SNAPC1: variants seen among roughly 807,000 people sequenced by gnomAD.
SNAPC1 encodes the protein small nuclear RNA activating complex polypeptide 1, also known as snRNA-activating protein complex subunit 1.
Under a neutral mutation model 50.1 loss-of-function variants are expected in SNAPC1, and 42 were observed. The ratio of observed to expected loss-of-function variants is 0.84; its 90% CI spans 0.65 to 1.08. The LOEUF is 1.08. Ranked by LOEUF, SNAPC1 falls within the 50% of genes least tolerant of loss-of-function variation. The pLI is 0.00. For synonymous variants in SNAPC1, 164 were observed against 144.2 expected (o/e 1.14, Z -0.98); for missense variants, 477 against 427.3 (o/e 1.12, Z -1.02).
At chr14:61,768,239 T>C (rs1051811337) in intron 3 of SNAPC1, among the ~76,000 whole-genome samples, 2 of 152,276 alleles carry the variant, frequency 1.3e-5, no homozygotes, top group East Asian at 1.9e-4. Context: ...CATTTGCTCA[T>C]GTCTCAAACA....
chr14:61,776,004 C>A, intron 4 of SNAPC1, 91 bp from the exon 5 acceptor site: 1 of 934,996 alleles, frequency 1.1e-6, no homozygotes, highest in Non-Finnish European at 1.6e-6. Context: ...AACTGGAAGT[C>A]ACTTTGGAAG....
intron 8 of SNAPC1, among the ~76,000 whole-genome samples, chr14:61,788,024 T>C (rs1229676211): frequency 6.6e-6 from 1 of 151,980 alleles, no homozygotes; most frequent in Non-Finnish European, 1.5e-5. Flanking sequence ...GAAATTAACT[T>C]TCATCTTGAA....
At chr14:61,772,681 T>C (rs973852218) in intron 4 of SNAPC1, among the ~76,000 whole-genome samples, 1 of 152,228 alleles carries the variant, frequency 6.6e-6, no homozygotes, top group African/African-American at 2.4e-5. Flanking sequence ...TGAGCCACCA[T>C]GGTTGTCCGG....
intron 7 of SNAPC1, among the ~76,000 whole-genome samples, chr14:61,780,587 T>C (rs2045064610): frequency 6.6e-6 from 1 of 152,218 alleles, no homozygotes. Context: ...ATATTAGACC[T>C]TTATCGAATG....
At chr14:61,784,581 C>T (rs554674126) in intron 8 of SNAPC1, among the ~76,000 whole-genome samples, 4 of 152,176 alleles carry the variant, frequency 2.6e-5, no homozygotes, top group Admixed American at 6.5e-5. Context: ...GCTCTACCAT[C>T]GTAATGTGAA....
chr14:61,765,688 T>A (rs2044942142), intron 1 of SNAPC1, among the ~76,000 whole-genome samples: 1 of 152,214 alleles, frequency 6.6e-6, no homozygotes, highest in African/African-American at 2.4e-5. Flanking sequence ...AGTTTCCAGC[T>A]TGAGTTTTCC....
chr14:61,769,674 G>T (rs1032296993), intron 4 of SNAPC1, among the ~76,000 whole-genome samples: 1 of 152,142 alleles, frequency 6.6e-6, no homozygotes, highest in African/African-American at 2.4e-5. Context: ...TGGGATTACA[G>T]GCGTGAGCCA....
At chr14:61,791,958 T>C (rs924447508) in intron 8 of SNAPC1, among the ~76,000 whole-genome samples, 4 of 152,052 alleles carry the variant, frequency 2.6e-5, no homozygotes, top group Non-Finnish European at 4.4e-5. Context: ...GTTACACTTA[T>C]TGTAGTGAAC....
chr14:61,771,579 AT>A, intron 4 of SNAPC1, among the ~76,000 whole-genome samples: 1 of 152,166 alleles, frequency 6.6e-6, no homozygotes. Flanking sequence ...AGGAATTTGT[AT>A]TTTGTCTTTT....
chr14:61,794,650 C>T (rs1387432590), intron 9 of SNAPC1, among the ~76,000 whole-genome samples: 6 of 152,152 alleles, frequency 3.9e-5, no homozygotes, highest in South Asian at 2.1e-4. Context: ...CCTCATGATT[C>T]GCCCACCTTA....
intron 8 of SNAPC1, among the ~76,000 whole-genome samples, chr14:61,792,213 A>G (rs915976008): frequency 3.3e-5 from 5 of 152,230 alleles, no homozygotes; most frequent in Non-Finnish European, 5.9e-5. Flanking sequence ...CTTTTGGGAC[A>G]TGGAAATTGT....
intron 7 of SNAPC1, among the ~76,000 whole-genome samples, chr14:61,781,365 C>T (rs1566591243): frequency 6.8e-6 from 1 of 147,464 alleles, no homozygotes; most frequent in Non-Finnish European, 1.5e-5. Flanking sequence ...AGGAGAATGG[C>T]GTGAACCCCG....
At chr14:61,762,740 C>G in intron 1 of SNAPC1, 152 bp downstream of exon 1, 1 of 828,236 alleles carries the variant, frequency 1.2e-6, no homozygotes, top group South Asian at 1.7e-5. Context: ...CCCCTGTGCT[C>G]AGGCAACGCG....
At chr14:61,774,705 G>T (rs1008187049) in intron 4 of SNAPC1, among the ~76,000 whole-genome samples, 13 of 125,572 alleles carry the variant, frequency 1.0e-4, no homozygotes, top group African/African-American at 3.7e-4. Context: ...CTCTTGTTGC[G>T]CAGGCTGGAG....
chr14:61,772,312 A>G (rs540631802), intron 4 of SNAPC1, among the ~76,000 whole-genome samples: 53 of 151,730 alleles, frequency 3.5e-4, no homozygotes, highest in African/African-American at 1.3e-3. Context: ...CAGTGGTATG[A>G]TCTTGGCTCA....
chr14:61,782,393 CA>C lies in SNAPC1; in HGVS notation c.975del (p.Gly326AlafsTer13), dbSNP rs766983413. The stretch of plus-strand genomic sequence containing the variant: ...CAGGAAGGAAGATGTCTCTCAGAAA[CA>C]AAGGTAACTTTTTAAAGTCTTACTA... ...PAGRKMSLRN[K>X]GNVQNIHKED... On this transcript the variant is annotated frameshift_variant, in exon 8 of 10. Coordinates refer to ENST00000216294, the MANE Select transcript of SNAPC1 (RefSeq NM_003082.4). LOFTEE classifies it high-confidence loss of function. 6.2e-7 allele frequency: 1 copy of C among 1,605,054 alleles called. No homozygotes were observed. The highest frequency in any genetic ancestry group is 1.7e-5 in the Admixed American group (1 of 57,496).
chr14:61,772,250 G>A (rs1036192530), intron 4 of SNAPC1, among the ~76,000 whole-genome samples: 32 of 151,984 alleles, frequency 2.1e-4, no homozygotes, highest in African/African-American at 6.0e-4. Flanking sequence ...CACCATGCTG[G>A]CTAATTTTTT....
Position 61,768,750 on chromosome 14 carries a change from C to T in SNAPC1, c.534+10C>T. 6.8e-7 allele frequency: 1 copy of T among 1,471,292 alleles called. No individual in the cohort carries two copies. The highest frequency in any genetic ancestry group is 9.4e-7 in the Non-Finnish European group (1 of 1,061,166). The allele number at this position is 1,471,292 out of a possible 1,614,324, so 91.1% of individuals were successfully genotyped here. ...TTCTGATGTATTAGAGGTAAATTTT[C>T]TTTTATGCTCTTGAAAATTTTTAAA... On this transcript the variant is annotated intron_variant, in intron 4 of 9. Coordinates refer to ENST00000216294, the MANE Select transcript of SNAPC1 (RefSeq NM_003082.4).
At chr14:61,781,492 TAC>T (rs1463019688) in intron 7 of SNAPC1, among the ~76,000 whole-genome samples, 1 of 146,962 alleles carries the variant, frequency 6.8e-6, no homozygotes, top group Non-Finnish European at 1.5e-5. Flanking sequence ...GAATTGTTAA[TAC>T]CTGTATTGCA....
Sources: gnomAD v4.1 joint callset for allele counts (sites outside exome capture counted in the v4.1 genomes callset) on GRCh38, gnomAD v4.1.1 for gene constraint, MANE v1.5 for transcripts, NCBI Gene and HGNC (gene_info 2026-07-23, HGNC 2026-07-21) for gene names.